Variants in PDE8A observed in about 807,000 individuals in gnomAD.
PDE8A encodes the protein high affinity cAMP-specific and IBMX-insensitive 3',5'-cyclic phosphodiesterase 8A.
PDE8A carries 59 observed loss-of-function variants against 105.0 expected under a neutral mutation model. The observed-to-expected ratio is 0.56, with a 90% CI of 0.46 to 0.70. The LOEUF is 0.70. Among genes scored for constraint, PDE8A ranks in the 30% least tolerant of loss-of-function variants. The probability of loss-of-function intolerance (pLI) is 0.00; values close to 1 mark genes in which losing one functional copy is unlikely to be tolerated. For synonymous variants in PDE8A, 355 were observed against 371.9 expected (o/e 0.95, Z 0.52); for missense variants, 1,014 against 1,045.9 (o/e 0.97, Z 0.42).
Position 85,099,812 on chromosome 15 carries a change from G to C in PDE8A, c.942-203G>C, listed in dbSNP as rs1045943457. The C allele has an allele frequency of 1.5e-5, 8 of 528,976 alleles. No individual in the cohort carries two copies. The African/African-American group carries it at 1.5e-4, about 10-fold the overall frequency. The allele number at this position is 528,976 out of a possible 1,614,324, so 32.8% of individuals were successfully genotyped here. Reference sequence around the variant, plus strand: ...TGGGAAGAATTTTGTCATTTTTACTGAAGTCACTTGTACAGAGACGCCAAA... The same window carrying C: ...TGGGAAGAATTTTGTCATTTTTACTCAAGTCACTTGTACAGAGACGCCAAA... On this transcript the variant is annotated intron_variant, in intron 9 of 21. Transcript: ENST00000394553.
At chr15:85,070,509 CAA>C (rs2081295469) in intron 3 of PDE8A, among the ~76,000 whole-genome samples, 1 of 152,078 alleles carries the variant, frequency 6.6e-6, no homozygotes, top group African/African-American at 2.4e-5. Flanking sequence ...GTGCCTGTGT[CAA>C]AGAGGGCTTC....
intron 17 of PDE8A, among the ~76,000 whole-genome samples, chr15:85,118,353 C>A (rs72759083): frequency 0.032 from 4,835 of 152,198 alleles, 156 homozygotes; most frequent in African/African-American, 0.079. Context: ...CTCAACCCCC[C>A]ACATCTGGTT....
intron 5 of PDE8A, among the ~76,000 whole-genome samples, chr15:85,081,900 T>C (rs12441196): frequency 0.22 from 34,104 of 151,966 alleles, 4,032 homozygotes; most frequent in East Asian, 0.38. Flanking sequence ...TCTGATTGCA[T>C]GCATGGGAAT....
At chr15:84,986,786 T>A (rs1200660912) in intron 1 of PDE8A, among the ~76,000 whole-genome samples, 1 of 151,076 alleles carries the variant, frequency 6.6e-6, no homozygotes, top group Non-Finnish European at 1.5e-5. Context: ...TTTTTTAAAC[T>A]TTTTTTTTGT....
At chr15:85,109,168 T>TG (rs774073906) in intron 12 of PDE8A, 38 bp downstream of exon 12, 2 of 1,412,904 alleles carry the variant, frequency 1.4e-6, no homozygotes, top group Non-Finnish European at 2.0e-6. Flanking sequence ...TGTGATCAAA[T>TG]CACTGTTGAA....
At chr15:84,993,277 T>A (rs8039136) in intron 1 of PDE8A, among the ~76,000 whole-genome samples, 36,014 of 150,940 alleles carry the variant, frequency 0.24, 4,496 homozygotes, top group South Asian at 0.3. Context: ...CCCCGTCTCT[T>A]CTAAAAATAC....
rs537963682 is a variant in PDE8A, at chr15:85,128,254, C to G, written c.2253+1880C>G. 3.9e-5 allele frequency among the ~76,000 whole-genome samples: 6 copies of G among 152,228 alleles called. No individual in the cohort carries two copies. The East Asian group carries it at 1.2e-3, about 29-fold the overall frequency. On this transcript the variant is annotated intron_variant, in intron 20 of 21. Coordinates refer to ENST00000394553, the MANE Select transcript of PDE8A (RefSeq NM_002605.3). Reference sequence around the variant, plus strand: ...GTGCAGTGGCTTATACATGTCATCTCAGCACTTTGGGAGGCCAAGGTGGGA... The same window carrying G: ...GTGCAGTGGCTTATACATGTCATCTGAGCACTTTGGGAGGCCAAGGTGGGA...
intron 1 of PDE8A, among the ~76,000 whole-genome samples, chr15:85,030,533 C>T (rs1389219697): frequency 6.6e-6 from 1 of 152,116 alleles, no homozygotes; most frequent in African/African-American, 2.4e-5. Context: ...TGTTCCTGGG[C>T]ACTTAAGTGC....
intron 1 of PDE8A, among the ~76,000 whole-genome samples, chr15:85,053,428 C>T (rs1225190428): frequency 5.9e-5 from 9 of 152,164 alleles, no homozygotes; most frequent in African/African-American, 1.4e-4. Flanking sequence ...GCCATTTTCA[C>T]GATATTGATT....
intron 21 of PDE8A, among the ~76,000 whole-genome samples, chr15:85,137,199 G>A (rs1390335005): frequency 1.3e-5 from 2 of 152,208 alleles, no homozygotes; most frequent in African/African-American, 2.4e-5. Flanking sequence ...TCCAGATCCA[G>A]TCAGGAAATA....
In PDE8A at chr15:85,119,159, AG is replaced by A. The variant is rs746755606; in HGVS notation, c.1734+1321del. ...ATAGACAACATACAAATATATATTT[AG>A]AGAGCTAACTGAAAACAGTTTATTA... On this transcript the variant is annotated intron_variant, in intron 17 of 21. Transcript: ENST00000394553. 4.6e-4 allele frequency among the ~76,000 whole-genome samples: 70 copies of A among 152,308 alleles called. 1 individual carries two copies. Among genetic ancestry groups the A allele is most frequent in the Non-Finnish European group, 5.7e-4 (39 of 68,028 alleles).
chr15:85,114,083 G>A lies in PDE8A; in HGVS notation c.1350+46G>A, dbSNP rs771646169. The stretch of plus-strand genomic sequence containing the variant: ...TCTTGGCTAGAGCCTGTCTGTTCTT[G>A]GTTGTTTTCTCAGAGGTTATTCACT... On this transcript the variant is annotated intron_variant, in intron 14 of 21. Transcript: ENST00000394553. The A allele has an allele frequency of 1.9e-5, 29 of 1,545,104 alleles. 3 individuals are homozygous for A. The South Asian group carries it at 3.3e-4, about 18-fold the overall frequency.
rs530978138 is a variant in PDE8A at position 85,015,759 on chromosome 15, T to C, written c.186+33411T>C. Among the ~76,000 whole-genome samples the C allele has an allele frequency of 2.0e-5, 3 of 152,258 alleles. No homozygotes were observed. The East Asian group carries it at 5.8e-4, about 29-fold the overall frequency. On this transcript the variant is annotated intron_variant, in intron 1 of 21. Coordinates refer to ENST00000394553, the MANE Select transcript of PDE8A (RefSeq NM_002605.3). ...ATCACTCTAGACTCTCTCCAAAGGG[T>C]CGTTTGTATTTTCCTTCCATTTTTG... is the stretch of plus-strand genomic sequence containing the variant.
intron 1 of PDE8A, among the ~76,000 whole-genome samples, chr15:85,061,621 T>G (rs1425363339): frequency 1.3e-5 from 2 of 152,216 alleles, no homozygotes; most frequent in Non-Finnish European, 2.9e-5. Context: ...TGAGTTCATC[T>G]TACTTATTGT....
chr15:85,058,910 T>C (rs2081103210), intron 1 of PDE8A, among the ~76,000 whole-genome samples: 1 of 152,182 alleles, frequency 6.6e-6, no homozygotes, highest in African/African-American at 2.4e-5. Context: ...TTTGCTCTAA[T>C]CGTTATTTCC....
intron 4 of PDE8A, 99 bp from the exon 5 acceptor site, chr15:85,076,633 CT>C: frequency 1.3e-6 from 1 of 759,032 alleles, no homozygotes; most frequent in Non-Finnish European, 2.4e-6. Flanking sequence ...TCTAAAAGTA[CT>C]CATTACATAA....
chr15:85,059,628 T>C (rs1048837694), intron 1 of PDE8A, among the ~76,000 whole-genome samples: 1 of 152,238 alleles, frequency 6.6e-6, no homozygotes, highest in Non-Finnish European at 1.5e-5. Context: ...TGTCTGCTGT[T>C]AGTATAACTT....
intron 1 of PDE8A, among the ~76,000 whole-genome samples, chr15:84,993,661 C>T (rs1056801267): frequency 4.6e-5 from 7 of 151,820 alleles, no homozygotes; most frequent in Admixed American, 1.3e-4. Flanking sequence ...GGGAGAATCA[C>T]GTGAGGCCAG....
chr15:85,116,838 A>T (rs2082104234), intron 16 of PDE8A, among the ~76,000 whole-genome samples: 1 of 152,232 alleles, frequency 6.6e-6, no homozygotes, highest in Non-Finnish European at 1.5e-5. Flanking sequence ...ACCTTCTGAT[A>T]CGTTCTACTT....
Sources: gnomAD v4.1 joint callset for allele counts (sites outside exome capture counted in the v4.1 genomes callset) on GRCh38, gnomAD v4.1.1 for gene constraint, MANE v1.5 for transcripts, NCBI Gene and HGNC (gene_info 2026-07-23, HGNC 2026-07-21) for gene names.